MOB3B: variants seen among roughly 807,000 people sequenced by gnomAD.
MOB3B encodes MOB kinase activator 3B.
A neutral mutation model predicts 18.7 loss-of-function variants in MOB3B; 7 were observed. The observed-to-expected ratio is 0.37, with a 90% confidence interval of 0.21 to 0.70. The LOEUF (loss-of-function observed/expected upper bound fraction) is 0.70. Ranked by LOEUF, MOB3B falls within the 30% of genes least tolerant of loss-of-function variation. The pLI is 0.52. For missense variants in MOB3B, 253 were observed against 281.3 expected (o/e 0.90, Z 0.72); for synonymous variants, 111 against 99.9 (o/e 1.11, Z -0.66).
At chr9:27,498,985 AT>A (rs1171954660) in intron 1 of MOB3B, among the ~76,000 whole-genome samples, 1 of 152,234 alleles carries the variant, frequency 6.6e-6, no homozygotes, top group African/African-American at 2.4e-5. Context: ...TTTTAAGCAC[AT>A]TTTAAAGTGC....
intron 2 of MOB3B, among the ~76,000 whole-genome samples, chr9:27,413,567 A>G (rs1003590592): frequency 6.6e-6 from 1 of 152,200 alleles, no homozygotes; most frequent in African/African-American, 2.4e-5. Flanking sequence ...ACTCTCGGCT[A>G]TTTTGAAGGG....
At chr9:27,413,787 C>T (rs1047133973) in intron 2 of MOB3B, among the ~76,000 whole-genome samples, 1 of 152,150 alleles carries the variant, frequency 6.6e-6, no homozygotes, top group African/African-American at 2.4e-5. Flanking sequence ...AGTTTCTGAG[C>T]AACTGGGTAA....
intron 2 of MOB3B, among the ~76,000 whole-genome samples, chr9:27,362,911 AGGTGG>A (rs1386643465): frequency 7.9e-5 from 12 of 152,348 alleles, no homozygotes; most frequent in African/African-American, 2.2e-4. Context: ...AAACCTCAGA[AGGTGG>A]GACTTGGAAG....
intron 2 of MOB3B, among the ~76,000 whole-genome samples, chr9:27,365,372 T>C (rs1490729285): frequency 6.7e-6 from 1 of 149,390 alleles, no homozygotes; most frequent in Non-Finnish European, 1.5e-5. Flanking sequence ...CTCTTTTTTT[T>C]TTTTTTTTTT....
At chr9:27,451,632 G>C (rs970076130) in intron 2 of MOB3B, among the ~76,000 whole-genome samples, 14 of 152,144 alleles carry the variant, frequency 9.2e-5, no homozygotes, top group Non-Finnish European at 1.8e-4. Flanking sequence ...TCACAGTGGG[G>C]AGGAGATGAA....
intron 2 of MOB3B, among the ~76,000 whole-genome samples, chr9:27,404,347 C>CTTTTTTTTTTTTTTTTTTT (rs756275032): frequency 5.3e-5 from 4 of 75,172 alleles, no homozygotes; most frequent in African/African-American, 2.3e-4. Context: ...TTCTTTCTTT[C>CTTTTTTTTTTTTTTTTTTT]TTTTTTTTTT....
chr9:27,344,842 T>C (rs992440145), intron 3 of MOB3B, among the ~76,000 whole-genome samples: 9 of 152,240 alleles, frequency 5.9e-5, no homozygotes, highest in Non-Finnish European at 8.8e-5. Flanking sequence ...TCCCAGAGCA[T>C]AGGTGCCCCA....
intron 1 of MOB3B, among the ~76,000 whole-genome samples, chr9:27,466,257 C>G (rs1819381868): frequency 6.6e-6 from 1 of 152,198 alleles, no homozygotes; most frequent in South Asian, 2.1e-4. Context: ...CTAGGGCCAC[C>G]AGTCTCTTTG....
chr9:27,463,167 C>A (rs1292314276), intron 1 of MOB3B, among the ~76,000 whole-genome samples: 1 of 152,082 alleles, frequency 6.6e-6, no homozygotes, highest in Non-Finnish European at 1.5e-5. Context: ...CTTGAGAGAC[C>A]AGTCACCTAG....
At chr9:27,407,948 G>A (rs1003213022) in intron 2 of MOB3B, among the ~76,000 whole-genome samples, 2 of 152,126 alleles carry the variant, frequency 1.3e-5, no homozygotes, top group African/African-American at 4.8e-5. Context: ...CTGGGGACCT[G>A]AGACCTGGTC....
chr9:27,381,445 C>T (rs1400259545), intron 2 of MOB3B, among the ~76,000 whole-genome samples: 1 of 152,072 alleles, frequency 6.6e-6, no homozygotes, highest in Admixed American at 6.6e-5. Context: ...AAGCTGCCTA[C>T]ATTTTCTGTG....
intron 3 of MOB3B, among the ~76,000 whole-genome samples, chr9:27,334,453 T>C (rs1323972601): frequency 6.6e-6 from 1 of 152,226 alleles, no homozygotes; most frequent in Non-Finnish European, 1.5e-5. Context: ...ATTTGCCTAG[T>C]TTTTGTGGGG....
At chr9:27,359,490 T>G (rs1185904392) in intron 2 of MOB3B, among the ~76,000 whole-genome samples, 1 of 152,108 alleles carries the variant, frequency 6.6e-6, no homozygotes, top group African/African-American at 2.4e-5. Flanking sequence ...GGCCCAGTGT[T>G]GTTAGAGCTT....
At chr9:27,465,023 C>A (rs1483268877) in intron 1 of MOB3B, among the ~76,000 whole-genome samples, 1 of 152,130 alleles carries the variant, frequency 6.6e-6, no homozygotes, top group Admixed American at 6.5e-5. Flanking sequence ...AATCTCACGA[C>A]CTCACATTTC....
In MOB3B at chr9:27,362,265, C is replaced by T. The variant is rs143403216; in HGVS notation, c.419-3029G>A. Among the ~76,000 whole-genome samples, 725 of 152,170 alleles carry T rather than the reference C, an allele frequency of 4.8e-3. 3 individuals carry two copies. Among genetic ancestry groups the T allele is most frequent in the Non-Finnish European group, 7.4e-3 (506 of 67,988 alleles). ...CTAGTTTAAAATACTAACCTGACTTCTTACTAGCTACAGCTTATGTAGCCT... is the reference window on the plus strand; with the variant it reads ...CTAGTTTAAAATACTAACCTGACTTTTTACTAGCTACAGCTTATGTAGCCT... On this transcript the variant is annotated intron_variant, in intron 2 of 3. Transcript: ENST00000262244.
At chr9:27,367,792 G>C (rs1177690005) in intron 2 of MOB3B, among the ~76,000 whole-genome samples, 2 of 152,202 alleles carry the variant, frequency 1.3e-5, no homozygotes, top group Non-Finnish European at 2.9e-5. Flanking sequence ...TTCTTGGAAA[G>C]TATACTTGGA....
At chr9:27,407,748 C>T (rs1822004224) in intron 2 of MOB3B, among the ~76,000 whole-genome samples, 1 of 152,182 alleles carries the variant, frequency 6.6e-6, no homozygotes, top group Non-Finnish European at 1.5e-5. Context: ...GAGAGGCTAT[C>T]TGGGCACTGG....
chr9:27,383,798 CAT>C (rs2131376453), intron 2 of MOB3B, among the ~76,000 whole-genome samples: 1 of 152,302 alleles, frequency 6.6e-6, no homozygotes, highest in East Asian at 1.9e-4. Flanking sequence ...CTACCCAAAA[CAT>C]AGTGGGTACT....
chr9:27,514,878 T>C (rs576677032), intron 1 of MOB3B, among the ~76,000 whole-genome samples: 1 of 152,340 alleles, frequency 6.6e-6, no homozygotes, highest in Admixed American at 6.5e-5. Flanking sequence ...CTTCCATGCA[T>C]GTGCTAGTGG....
Sources: gnomAD v4.1 joint callset for allele counts (sites outside exome capture counted in the v4.1 genomes callset) on GRCh38, gnomAD v4.1.1 for gene constraint, MANE v1.5 for transcripts, NCBI Gene and HGNC (gene_info 2026-07-23, HGNC 2026-07-21) for gene names.